Variants in PROS1 observed in about 807,000 individuals in gnomAD.
PROS1 encodes the protein vitamin K-dependent protein S.
A neutral mutation model predicts 75.9 loss-of-function variants in PROS1; 29 were observed. That is an observed-to-expected ratio of 0.38 (90% CI 0.28 to 0.52). The LOEUF (loss-of-function observed/expected upper bound fraction) is 0.52, where lower values mean the gene tolerates loss of function less well. PROS1 is among the 20% of genes least tolerant of loss of function. The probability of loss-of-function intolerance (pLI) is 0.83; values close to 1 mark genes in which losing one functional copy is unlikely to be tolerated. For synonymous variants in PROS1, 245 were observed against 280.6 expected (o/e 0.87, Z 1.27); for missense variants, 680 against 810.3 (o/e 0.84, Z 1.95).
intron 1 of PROS1, 131 bp downstream of exon 1, chr3:93,973,543 G>T: frequency 1.1e-6 from 1 of 896,876 alleles, no homozygotes; most frequent in Non-Finnish European, 1.8e-6. Context: ...TCCATCCGCT[G>T]GGTGTCTGTC....
At chr3:93,971,332 G>A (rs1709877855) in intron 1 of PROS1, among the ~76,000 whole-genome samples, 1 of 146,306 alleles carries the variant, frequency 6.8e-6, no homozygotes. Context: ...CTCCAGCCTG[G>A]GCAACAGAGC....
chr3:93,900,675 T>C, intron 7 of PROS1, 129 bp downstream of exon 7: 8 of 1,310,458 alleles, frequency 6.1e-6, no homozygotes, highest in South Asian at 4.8e-5. Context: ...GATTACCCAA[T>C]TGAACAAGCT....
At chr3:93,937,147 C>T (rs182500399) in intron 1 of PROS1, among the ~76,000 whole-genome samples, 19 of 152,164 alleles carry the variant, frequency 1.2e-4, no homozygotes, top group East Asian at 7.8e-4. Flanking sequence ...CCTTAAAATC[C>T]GAGCTCCCTG....
chr3:93,973,026 G>T (rs1709903550), intron 1 of PROS1, among the ~76,000 whole-genome samples: 1 of 152,098 alleles, frequency 6.6e-6, no homozygotes, highest in African/African-American at 2.4e-5. Context: ...GAAACACAAA[G>T]ATAAAGAATT....
intron 1 of PROS1, among the ~76,000 whole-genome samples, chr3:93,931,579 T>C (rs1478695857): frequency 1.3e-5 from 2 of 152,186 alleles, no homozygotes; most frequent in Non-Finnish European, 1.5e-5. Flanking sequence ...TAGAATTACT[T>C]TGGTGCCTCC....
At chr3:93,931,096 G>A (rs113496288) in intron 1 of PROS1, among the ~76,000 whole-genome samples, 2,716 of 152,182 alleles carry the variant, frequency 0.018, 64 homozygotes, top group African/African-American at 0.056. Flanking sequence ...TTCAAAGCAC[G>A]AATTAATTAT....
intron 1 of PROS1, among the ~76,000 whole-genome samples, chr3:93,938,592 G>A (rs1234705702): frequency 2.0e-5 from 3 of 152,086 alleles, no homozygotes; most frequent in East Asian, 1.9e-4. Context: ...TCGGTTAAGC[G>A]GTCTTTTCAC....
At chr3:93,922,774 T>A (rs1050250896) in intron 3 of PROS1, among the ~76,000 whole-genome samples, 2 of 152,148 alleles carry the variant, frequency 1.3e-5, no homozygotes, top group African/African-American at 2.4e-5. Flanking sequence ...GGCAGGACAT[T>A]TTTAAAAATT....
At chr3:93,941,409 C>T (rs1440461920) in intron 1 of PROS1, among the ~76,000 whole-genome samples, 4 of 152,114 alleles carry the variant, frequency 2.6e-5, no homozygotes, top group Admixed American at 1.3e-4. Flanking sequence ...ATCTCTCAGA[C>T]CCCAACCCCT....
chr3:93,962,113 A>C (rs545792299), intron 1 of PROS1, among the ~76,000 whole-genome samples: 80 of 152,268 alleles, frequency 5.3e-4, no homozygotes, highest in Non-Finnish European at 1.0e-3. Context: ...ACAGCAATGG[A>C]AATGAGCCCC....
Position 93,905,817 on chromosome 3 carries a change from A to G in PROS1, c.568T>C (p.Phe190Leu). 1.2e-6 allele frequency: 2 copies of G among 1,612,874 alleles called. No homozygotes were observed. Among genetic ancestry groups the G allele is most frequent in the Non-Finnish European group, 1.7e-6 (2 of 1,178,928 alleles). The change falls in exon 6 of 15, where the codon TTT (phenylalanine) becomes CTT (leucine). Residue 190 changes from phenylalanine to leucine, a missense_variant. Physicochemically the swap from Phe to Leu is conservative, Grantham distance 22. Coordinates refer to ENST00000394236, the MANE Select transcript of PROS1 (RefSeq NM_000313.4). ...GSYHCSCKNG[F>L]VMLSNKKDCK... ...TCTTTCTTATTTGAAAGCATAACAA[A>G]ACCATTTTTACAGGAACAGTGGTAA...
chr3:93,893,467 T>C (rs1708460922), intron 9 of PROS1, among the ~76,000 whole-genome samples: 3 of 152,236 alleles, frequency 2.0e-5, no homozygotes, highest in Admixed American at 2.0e-4. Flanking sequence ...AGGCATACTA[T>C]ATCTCTCCTG....
intron 3 of PROS1, among the ~76,000 whole-genome samples, chr3:93,917,631 G>C (rs1160404074): frequency 6.6e-6 from 1 of 152,142 alleles, no homozygotes; most frequent in African/African-American, 2.4e-5. Context: ...GCGCGAGGGG[G>C]AACAGCTGGA....
At chr3:93,925,452 G>T (rs114919335) in intron 2 of PROS1, among the ~76,000 whole-genome samples, 2,500 of 152,084 alleles carry the variant, frequency 0.016, 80 homozygotes, top group African/African-American at 0.057. Flanking sequence ...GTGGACTGTG[G>T]TATTAGGGAT....
chr3:93,969,971 A>G (rs1411938317), intron 1 of PROS1, among the ~76,000 whole-genome samples: 1 of 152,212 alleles, frequency 6.6e-6, no homozygotes, highest in African/African-American at 2.4e-5. Context: ...AGAATGTGGC[A>G]TAGGGTTTGA....
chr3:93,973,028 TAAAG>T (rs1308139317), intron 1 of PROS1, among the ~76,000 whole-genome samples: 3 of 152,072 alleles, frequency 2.0e-5, no homozygotes, highest in Non-Finnish European at 1.5e-5. Context: ...AACACAAAGA[TAAAG>T]AATTCATGCC....
intron 4 of PROS1, among the ~76,000 whole-genome samples, chr3:93,907,742 A>G (rs184688260): frequency 9.2e-4 from 140 of 152,272 alleles, no homozygotes; most frequent in Admixed American, 2.5e-3. Flanking sequence ...CCATAACACT[A>G]CTTCTGGATT....
intron 4 of PROS1, among the ~76,000 whole-genome samples, chr3:93,909,302 A>C: frequency 6.6e-6 from 1 of 151,788 alleles, no homozygotes; most frequent in East Asian, 1.9e-4. Context: ...AGGAGTGATG[A>C]TATGTGCCTA....
At chr3:93,968,848 C>T (rs8178585) in intron 1 of PROS1, among the ~76,000 whole-genome samples, 185 of 152,304 alleles carry the variant, frequency 1.2e-3, no homozygotes, top group Non-Finnish European at 2.3e-3. Context: ...AGGATGACTA[C>T]TGTCCACAGG....
Sources: allele counts gnomAD v4.1 joint callset (sites outside exome capture counted in the v4.1 genomes callset), GRCh38; gene constraint gnomAD v4.1.1; transcripts MANE v1.5; gene names NCBI Gene and HGNC (gene_info 2026-07-23, HGNC 2026-07-21).